CA8: variants seen among roughly 807,000 people sequenced by gnomAD.
CA8 encodes carbonic anhydrase-related protein.
A neutral mutation model predicts 41.4 loss-of-function variants in CA8; 22 were observed. The ratio of observed to expected loss-of-function variants is 0.53; its 90% CI spans 0.38 to 0.76. The LOEUF is 0.76. Among genes scored for constraint, CA8 ranks in the 30% least tolerant of loss-of-function variants. The pLI is 0.00. For synonymous variants in CA8, 121 were observed against 130.6 expected, an observed-to-expected ratio of 0.93 and a Z score of 0.50; for missense variants, 270 against 352.8, an observed-to-expected ratio of 0.77 and a Z score of 1.88.
intron 3 of CA8, among the ~76,000 whole-genome samples, chr8:60,260,118 A>T (rs1435260676): frequency 6.6e-6 from 1 of 152,170 alleles, no homozygotes. Flanking sequence ...TCCTGATAAT[A>T]ATTGTCTGTG....
intron 8 of CA8, among the ~76,000 whole-genome samples, chr8:60,195,463 C>T (rs1806254718): frequency 6.6e-6 from 1 of 152,214 alleles, no homozygotes; most frequent in African/African-American, 2.4e-5. Context: ...GATTTTGGCT[C>T]AGCTCATTGA....
chr8:60,225,849 C>G (rs752214624), intron 5 of CA8, among the ~76,000 whole-genome samples: 1 of 152,202 alleles, frequency 6.6e-6, no homozygotes, highest in Non-Finnish European at 1.5e-5. Flanking sequence ...TTGGGCCAGG[C>G]ATGGTGGCTC....
Position 60,186,782 on chromosome 8 carries a change from T to C in CA8, c.*3239A>G, listed in dbSNP as rs961554608. Among the ~76,000 whole-genome samples, 5 of 138,928 alleles carry C rather than the reference T, an allele frequency of 3.6e-5. No individual in the cohort carries two copies. The highest frequency in any genetic ancestry group is 7.7e-5 in the African/African-American group (3 of 39,144). 91.1% of individuals were successfully genotyped at this position (138,928 alleles called of 152,430 possible). A position where few individuals can be genotyped will look rare whatever the true frequency, so the allele number is the denominator to read the frequency against. On this transcript the variant is annotated 3_prime_UTR_variant, in exon 9 of 9. Transcript: ENST00000317995. ...CTATATTAATATCTGACAAAGTATA[T>C]ATTAAAATAAAAAAATGTTACTAGA...
At chr8:60,222,580 A>G (rs1807289040) in intron 7 of CA8, 69 bp downstream of exon 7, 3 of 1,004,888 alleles carry the variant, frequency 3.0e-6, no homozygotes, top group South Asian at 1.3e-5. Context: ...CAAAACAGAC[A>G]TTTTCCTTTC....
chr8:60,229,832 A>G (rs533314135), intron 4 of CA8, among the ~76,000 whole-genome samples: 24 of 152,278 alleles, frequency 1.6e-4, no homozygotes, highest in Admixed American at 1.4e-3. Flanking sequence ...CTGGCTAGAC[A>G]GAATGATATC....
chr8:60,258,358 C>A (rs1181976503), intron 3 of CA8, among the ~76,000 whole-genome samples: 1 of 152,196 alleles, frequency 6.6e-6, no homozygotes, highest in African/African-American at 2.4e-5. Context: ...TAGGAAAAAA[C>A]GAACTATTAA....
Position 60,232,348 on chromosome 8 carries a change from A to C in CA8, c.449T>G (p.Phe150Cys). The C allele has an allele frequency of 6.2e-7, 1 of 1,614,082 alleles. No individual in the cohort carries two copies. The highest frequency in any genetic ancestry group is 8.5e-7 in the Non-Finnish European group (1 of 1,179,926). The change falls in exon 4 of 9, where the codon TTT (phenylalanine) becomes TGT (cysteine). Residue 150 changes from phenylalanine (F) to cysteine (C), a missense_variant. Physicochemically the swap from Phe to Cys is radical, Grantham distance 205. Transcript: ENST00000317995. The stretch of plus-strand genomic sequence containing the variant: ...CCCCACAGCCTCATCAATGCTGCCA[A>C]ACAGAGTGGAGTTCCAGTGGATCAG... Reference protein sequence around the residue: ...LHLIHWNSTLFGSIDEAVGKP... With the variant: ...LHLIHWNSTLCGSIDEAVGKP...
chr8:60,247,737 G>C (rs1808299349), intron 3 of CA8, among the ~76,000 whole-genome samples: 1 of 152,190 alleles, frequency 6.6e-6, no homozygotes, highest in African/African-American at 2.4e-5. Context: ...TGTCTTTATA[G>C]TCAAATGATT....
In CA8 at chr8:60,208,792, A is replaced by T; in HGVS notation, c.866T>A (p.Phe289Tyr). 2 of 1,614,126 alleles carry T rather than the reference A, an allele frequency of 1.2e-6. No individual in the cohort carries two copies. The highest frequency in any genetic ancestry group is 1.7e-6 in the Non-Finnish European group (2 of 1,180,020). Residue 289 changes from phenylalanine to tyrosine, a missense_variant, in exon 8 of 9, where the codon TTT becomes TAT. Physicochemically the swap from Phe to Tyr is conservative, Grantham distance 22. Around this residue, in one of 3 missense-constraint regions of CA8, gnomAD observed 141 missense variants for 191.6 expected, o/e 0.74. Transcript: ENST00000317995. ...PLSDRVIRAA[F>Y]Q ...TGTTCCTGTCCTCTTTGGCTACTGA[A>T]ATGCAGCTCTAATGACTCTGTCACT...
chr8:60,237,297 ACT>A (rs1467370750), intron 3 of CA8, among the ~76,000 whole-genome samples: 8 of 151,770 alleles, frequency 5.3e-5, no homozygotes, highest in African/African-American at 1.7e-4. Context: ...TTCCCATAGT[ACT>A]CTTTTTCCTA....
Position 60,280,963 on chromosome 8 carries a change from A to G in CA8, c.100+85T>C, listed in dbSNP as rs7002871. 517,802 of 942,734 alleles carry G rather than the reference A, an allele frequency of 0.55. 145,462 individuals carry two copies. Among genetic ancestry groups the G allele is most frequent in the African/African-American group, 0.79 (49,149 of 61,844 alleles). The allele number at this position is 942,734 out of a possible 1,614,324, so 58.4% of individuals were successfully genotyped here. On this transcript the variant is annotated intron_variant, in intron 1 of 8. Transcript: ENST00000317995. ...GGGCGTGGGGGTGCTCGGAGCGCGCAGCGGCAGCAGGACTCGAGTCCCGCG... is the reference window on the plus strand; with the variant it reads ...GGGCGTGGGGGTGCTCGGAGCGCGCGGCGGCAGCAGGACTCGAGTCCCGCG...
chr8:60,193,243 C>T (rs1490081797), intron 8 of CA8, among the ~76,000 whole-genome samples: 1 of 152,084 alleles, frequency 6.6e-6, no homozygotes, highest in African/African-American at 2.4e-5. Flanking sequence ...CCTAGCTCTC[C>T]TCTCAAGAAG....
intron 2 of CA8, 121 bp downstream of exon 2, chr8:60,279,568 G>A: frequency 1.2e-6 from 1 of 840,078 alleles, no homozygotes; most frequent in East Asian, 2.6e-5. Flanking sequence ...TAATACAAAG[G>A]TATCCTGAAA....
At chr8:60,218,166 C>T (rs978144351) in intron 7 of CA8, among the ~76,000 whole-genome samples, 6 of 152,188 alleles carry the variant, frequency 3.9e-5, no homozygotes, top group Admixed American at 2.6e-4. Context: ...GCAATTCCCA[C>T]GAATACTCAG....
chr8:60,222,218 G>A (rs973642582), intron 7 of CA8, among the ~76,000 whole-genome samples: 2 of 152,016 alleles, frequency 1.3e-5, no homozygotes, highest in Non-Finnish European at 1.5e-5. Context: ...AATTTTCTAG[G>A]GCACTCCTTC....
intron 3 of CA8, among the ~76,000 whole-genome samples, chr8:60,235,390 G>T (rs1456428324): frequency 6.6e-6 from 1 of 152,152 alleles, no homozygotes; most frequent in African/African-American, 2.4e-5. Flanking sequence ...TCTCTGTGAT[G>T]ACCCTATGTC....
intron 2 of CA8, among the ~76,000 whole-genome samples, chr8:60,279,031 T>G (rs7841372): frequency 0.39 from 58,715 of 151,950 alleles, 11,431 homozygotes; most frequent in South Asian, 0.41. Context: ...TCCTTGGTAA[T>G]TACCTAACAA....
intron 7 of CA8, among the ~76,000 whole-genome samples, chr8:60,222,353 CACACCTGG>C (rs1381825072): frequency 1.3e-5 from 2 of 152,176 alleles, no homozygotes; most frequent in Non-Finnish European, 2.9e-5. Flanking sequence ...TTCCATTCTC[CACACCTGG>C]GGAAATTCAC....
intron 3 of CA8, among the ~76,000 whole-genome samples, chr8:60,254,871 T>A (rs1808571110): frequency 6.6e-6 from 1 of 152,212 alleles, no homozygotes; most frequent in Admixed American, 6.5e-5. Context: ...AGTAGAAAAC[T>A]ATGTTACTCT....
Sources: gnomAD v4.1 joint callset for allele counts (sites outside exome capture counted in the v4.1 genomes callset) on GRCh38, gnomAD v4.1.1 for gene constraint, gnomAD v4.1.1 regional missense constraint, MANE v1.5 for transcripts, NCBI Gene and HGNC (gene_info 2026-07-23, HGNC 2026-07-21) for gene names.